The following FXYD6 variants were observed in gnomAD, a reference collection of about 807,000 sequenced individuals.
FXYD6 encodes FXYD domain-containing ion transport regulator 6.
In FXYD6, 7 loss-of-function variants were observed where a neutral mutation model predicts 16.7. That is an observed-to-expected ratio of 0.42 (90% CI 0.24 to 0.79). The LOEUF (loss-of-function observed/expected upper bound fraction) is 0.79. Among genes scored for constraint, FXYD6 ranks in the 30% least tolerant of loss-of-function variants. The pLI, the probability that FXYD6 is intolerant of heterozygous loss-of-function variation, is 0.28. For synonymous variants in FXYD6, 49 were observed against 43.0 expected (o/e 1.14, Z -0.54); for missense variants, 111 against 116.2 (o/e 0.95, Z 0.21).
chr11:117,839,668 A>C, intron 7 of FXYD6, 113 bp downstream of exon 7: 1 of 1,292,872 alleles, frequency 7.7e-7, no homozygotes, highest in African/African-American at 1.5e-5. Flanking sequence ...GCCCATAATA[A>C]AAGCTGTGCC....
In FXYD6 at chr11:117,870,444, A is replaced by G. The variant is rs757561803; in HGVS notation, c.-6+6148T>C. On this transcript the variant is annotated intron_variant, in intron 1 of 7. Transcript: ENST00000526014. This position sits in a 1 kb window ranked among gnomAD's most constrained non-coding sequence, Gnocchi z 4.2. ...ACAGACAGCAGTCCCAGCAGCAGACACAGAAACCCAGAGCAGCTGCCAGGG... is the reference window on the plus strand; with the variant it reads ...ACAGACAGCAGTCCCAGCAGCAGACGCAGAAACCCAGAGCAGCTGCCAGGG... Among the ~76,000 whole-genome samples, 1 of 152,192 alleles carries G rather than the reference A, an allele frequency of 6.6e-6. No homozygotes were observed. The highest frequency in any genetic ancestry group is 1.5e-5 in the Non-Finnish European group (1 of 68,026).
chr11:117,869,580 C>T (rs902646369), intron 1 of FXYD6, among the ~76,000 whole-genome samples: 5 of 152,138 alleles, frequency 3.3e-5, no homozygotes, highest in African/African-American at 4.8e-5. Flanking sequence ...TGTCATATAG[C>T]AGGGGACTTA....
chr11:117,856,554 G>A lies in FXYD6; in HGVS notation c.-5-13773C>T, dbSNP rs189836905. On this transcript the variant is annotated intron_variant, in intron 1 of 7. Coordinates refer to ENST00000526014, the MANE Select transcript of FXYD6 (RefSeq NM_022003.4). Reference sequence around the variant, plus strand: ...GGTCTCACTTCATACAGAACGTCCCGGAATGGGGCCTTTTATGAGGCCGCA... The same window carrying A: ...GGTCTCACTTCATACAGAACGTCCCAGAATGGGGCCTTTTATGAGGCCGCA... Among the ~76,000 whole-genome samples, 7 of 152,294 alleles carry A rather than the reference G, an allele frequency of 4.6e-5. No individual in the cohort carries two copies. In the East Asian group the frequency reaches 5.8e-4, roughly 13 times the overall value.
At chr11:117,845,962 G>A (rs962643050) in intron 1 of FXYD6, among the ~76,000 whole-genome samples, 1 of 152,216 alleles carries the variant, frequency 6.6e-6, no homozygotes, top group Non-Finnish European at 1.5e-5. Context: ...GCCTAGGACT[G>A]AAGTCATTCA....
At chr11:117,842,361 A>G (rs2056368711) in intron 2 of FXYD6, 1 of 557,962 alleles carries the variant, frequency 1.8e-6, no homozygotes. Flanking sequence ...AGACCAAGGA[A>G]GGACATATGA....
chr11:117,863,778 G>A (rs999710593), intron 1 of FXYD6, among the ~76,000 whole-genome samples: 5 of 151,740 alleles, frequency 3.3e-5, no homozygotes, highest in Non-Finnish European at 5.9e-5. Flanking sequence ...CAGGACACAA[G>A]GTCAACACAC....
intron 1 of FXYD6, among the ~76,000 whole-genome samples, chr11:117,875,506 G>C (rs955530331): frequency 2.6e-5 from 4 of 152,226 alleles, no homozygotes; most frequent in Middle Eastern, 3.4e-3. Context: ...GCAACGACCA[G>C]GCAAGTCACG....
chr11:117,876,281 C>T (rs1280570114), intron 1 of FXYD6, among the ~76,000 whole-genome samples: 1 of 152,208 alleles, frequency 6.6e-6, no homozygotes, highest in Non-Finnish European at 1.5e-5. Flanking sequence ...TTCCCCTTCT[C>T]CTGAAAACCC....
chr11:117,864,836 C>T (rs983357022), intron 1 of FXYD6, among the ~76,000 whole-genome samples: 6 of 152,188 alleles, frequency 3.9e-5, no homozygotes, highest in Admixed American at 6.5e-5. Flanking sequence ...CCGCAGGCCT[C>T]GGCCTCCCAA....
Position 117,839,828 on chromosome 11 carries a change from T to C in FXYD6, c.262A>G (p.Thr88Ala), listed in dbSNP as rs761347224. 12 of 1,614,168 alleles carry C rather than the reference T, an allele frequency of 7.4e-6. No individual in the cohort carries two copies. In the South Asian group the frequency reaches 1.2e-4, roughly 16 times the overall value. ...QVENLITANA[T>A]EPQKAEN ...CAGTTCTCTGCTTTCTGGGGCTCTG[T>C]TGCTGGAAAGAAAACCAGAATGGAT... The change falls in exon 7 of 8, where the codon ACA becomes GCA. Residue 88 changes from threonine to alanine, a missense_variant and splice_region_variant. Physicochemically the swap from Thr to Ala is moderately conservative, Grantham distance 58 (BLOSUM62 0). Transcript: ENST00000526014.
chr11:117,858,723 C>CCCTCCCTT (rs1555046937), intron 1 of FXYD6, among the ~76,000 whole-genome samples: 11 of 41,240 alleles, frequency 2.7e-4, no homozygotes, highest in South Asian at 1.1e-3. Context: ...CTCCTTCCTT[C>CCCTCCCTT]CCTTCCTTCC....
intron 1 of FXYD6, among the ~76,000 whole-genome samples, chr11:117,861,306 C>A (rs1007612901): frequency 6.6e-6 from 1 of 152,172 alleles, no homozygotes; most frequent in Non-Finnish European, 1.5e-5. Context: ...CAGCATCCTG[C>A]CGGATGAAAG....
At chr11:117,850,396 T>A (rs1253818949) in intron 1 of FXYD6, among the ~76,000 whole-genome samples, 5 of 152,226 alleles carry the variant, frequency 3.3e-5, no homozygotes, top group Admixed American at 3.3e-4. Context: ...GTAGTGATCC[T>A]CCCTGTCTTA....
intron 5 of FXYD6, among the ~76,000 whole-genome samples, 165 bp from the exon 6 acceptor site, chr11:117,840,533 G>A (rs1314123515): frequency 6.6e-6 from 1 of 152,198 alleles, no homozygotes; most frequent in African/African-American, 2.4e-5. Context: ...CAGAGGGAAA[G>A]GTCTGGACTG....
chr11:117,862,277 G>A (rs1433558216), intron 1 of FXYD6, among the ~76,000 whole-genome samples: 1 of 152,210 alleles, frequency 6.6e-6, no homozygotes, highest in African/African-American at 2.4e-5. Context: ...TTTAGAGGAA[G>A]CATCAAGCAA....
chr11:117,858,026 C>G (rs1395528446), intron 1 of FXYD6, among the ~76,000 whole-genome samples: 2 of 152,190 alleles, frequency 1.3e-5, no homozygotes, highest in Non-Finnish European at 2.9e-5. Context: ...AATTAAGCCT[C>G]ATAATGCTTT....
At chr11:117,851,304 T>C (rs1206770968) in intron 1 of FXYD6, among the ~76,000 whole-genome samples, 1 of 152,206 alleles carries the variant, frequency 6.6e-6, no homozygotes, top group Non-Finnish European at 1.5e-5. Flanking sequence ...TCTCCCTCCC[T>C]CTCGGATTGC....
intron 1 of FXYD6, among the ~76,000 whole-genome samples, chr11:117,874,263 G>A (rs1425641028): frequency 1.3e-5 from 2 of 152,134 alleles, no homozygotes; most frequent in South Asian, 2.1e-4. Context: ...GAATGAAATC[G>A]GTCCTCAGGT....
At chr11:117,838,591 G>A in intron 7 of FXYD6, 1 of 354,210 alleles carries the variant, frequency 2.8e-6, no homozygotes. Context: ...AAAATGAAAA[G>A]ACATTTCATT....
Sources: allele counts gnomAD v4.1 joint callset (sites outside exome capture counted in the v4.1 genomes callset), GRCh38; gene constraint gnomAD v4.1.1; non-coding constraint Gnocchi (gnomAD v3.1); transcripts MANE v1.5; gene names NCBI Gene and HGNC (gene_info 2026-07-23, HGNC 2026-07-21).